TTC9C: variants seen among roughly 807,000 people sequenced by gnomAD.
The protein encoded by TTC9C is tetratricopeptide repeat protein 9C.
Under a neutral mutation model 22.5 loss-of-function variants are expected in TTC9C, and 15 were observed. The observed-to-expected ratio is 0.67, with a 90% CI of 0.45 to 1.03. The LOEUF (loss-of-function observed/expected upper bound fraction) is 1.03, where lower values mean the gene tolerates loss of function less well. Ranked by LOEUF, TTC9C falls within the 50% of genes least tolerant of loss-of-function variation. The probability of loss-of-function intolerance (pLI) is 0.00; values close to 1 mark genes in which losing one functional copy is unlikely to be tolerated. For synonymous variants in TTC9C, 92 were observed against 86.8 expected (o/e 1.06, Z -0.33); for missense variants, 244 against 214.6 (o/e 1.14, Z -0.86).
At chr11:62,735,808 T>TA (rs1301733305) in intron 2 of TTC9C, 2 of 428,568 alleles carry the variant, frequency 4.7e-6, no homozygotes, top group Non-Finnish European at 7.9e-6. Flanking sequence ...TAATCAGACA[T>TA]ACACAATATA....
At chr11:62,728,379 G>A (rs1409407538), upstream of TTC9C, 2 of 373,708 alleles carry the variant, frequency 5.4e-6, no homozygotes, top group Non-Finnish European at 5.3e-6. Flanking sequence ...GAATAAGGAA[G>A]AAGAGTTAGA....
chr11:62,731,948 G>A (rs2083855334), intron 1 of TTC9C, among the ~76,000 whole-genome samples: 1 of 145,400 alleles, frequency 6.9e-6, no homozygotes, highest in Non-Finnish European at 1.5e-5. Flanking sequence ...GCCTCCCAAA[G>A]TGCTGGGATT....
At chr11:62,736,372 C>G (rs1418478288) in intron 2 of TTC9C, 1 of 151,610 alleles carries the variant, frequency 6.6e-6, no homozygotes, top group Non-Finnish European at 1.5e-5. Flanking sequence ...CGGAACCCAT[C>G]TCTACTAAAA....
At chr11:62,735,295 C>T (rs529992013) in intron 1 of TTC9C, 87 bp from the exon 2 acceptor site, 106 of 1,514,296 alleles carry the variant, frequency 7.0e-5, no homozygotes, top group Non-Finnish European at 9.3e-5. Flanking sequence ...TTGTTACCAC[C>T]CTGTTCAGTA....
Position 62,735,705 on chromosome 11 carries a change from A to G in TTC9C, c.421+141A>G, listed in dbSNP as rs894761943. ...CACATGGTTGAGAATTCGAACTGAA[A>G]AAGTATACGATGAACAGACCTTTTT... On this transcript the variant is annotated intron_variant, in intron 2 of 2. Coordinates refer to ENST00000316461, the MANE Select transcript of TTC9C (RefSeq NM_173810.4). 9.4e-6 allele frequency: 13 copies of G among 1,388,486 alleles called. No homozygotes were observed. In the Admixed American group the frequency reaches 3.2e-4, roughly 35 times the overall value. 86.0% of individuals were successfully genotyped at this position (1,388,486 alleles called of 1,614,324 possible). A position where few individuals can be genotyped will look rare whatever the true frequency, so the allele number is the denominator to read the frequency against.
chr11:62,732,315 T>A (rs116200213), intron 1 of TTC9C, among the ~76,000 whole-genome samples: 5,609 of 152,076 alleles, frequency 0.037, 346 homozygotes, highest in African/African-American at 0.13. Context: ...CTTTTAAAAA[T>A]TAATTTACTT....
intron 1 of TTC9C, among the ~76,000 whole-genome samples, chr11:62,734,782 G>A (rs2083891625): frequency 6.6e-6 from 1 of 151,974 alleles, no homozygotes; most frequent in South Asian, 2.1e-4. Context: ...ATGCTCAGCC[G>A]AGTTTTAAAT....
At position 62,735,426 on chromosome 11, in the gene TTC9C, G is replaced by A. The variant is rs201165764; in HGVS notation, c.283G>A (p.Glu95Lys). The A allele has an allele frequency of 1.9e-6, 3 of 1,614,034 alleles. No individual in the cohort carries two copies. The highest frequency in any genetic ancestry group is 2.5e-6 in the Non-Finnish European group (3 of 1,180,034). The change falls in exon 2 of 3, where the codon GAA becomes AAA. Residue 95 changes from glutamate to lysine, a missense_variant. Coordinates refer to ENST00000316461, the MANE Select transcript of TTC9C (RefSeq NM_173810.4). ...GCCCGTGAACTACGAACGAGTGAGA[G>A]AATATAGTCAGAAAGTCCTGGAACG... Reference protein sequence around the residue: ...MEPVNYERVREYSQKVLERQP... With the variant: ...MEPVNYERVRKYSQKVLERQP...
intron 1 of TTC9C, among the ~76,000 whole-genome samples, chr11:62,732,612 C>CAA (rs34178732): frequency 1.3e-3 from 179 of 138,494 alleles, no homozygotes; most frequent in African/African-American, 2.0e-3. Flanking sequence ...AACTCCGTCT[C>CAA]AAAAAAAAAA....
chr11:62,734,114 C>T (rs2083883434), intron 1 of TTC9C, among the ~76,000 whole-genome samples: 1 of 151,950 alleles, frequency 6.6e-6, no homozygotes, highest in Non-Finnish European at 1.5e-5. Context: ...GCCTGGCCAA[C>T]ATGGCGAAAA....
intron 2 of TTC9C, among the ~76,000 whole-genome samples, chr11:62,737,071 C>T (rs905695796): frequency 1.3e-5 from 2 of 151,406 alleles, no homozygotes; most frequent in Non-Finnish European, 2.9e-5. Context: ...TGGTGGCGGG[C>T]GCCTGTAATC....
In TTC9C at chr11:62,728,530, C is replaced by T. The variant is rs879059083; in HGVS notation, c.-319C>T. Reference sequence around the variant, plus strand: ...CGCCCGCAACAATTCCTGAGTAGGGCCTTGCTTGAGTTCTTCGGAAAGTCT... The same window carrying T: ...CGCCCGCAACAATTCCTGAGTAGGGTCTTGCTTGAGTTCTTCGGAAAGTCT... On this transcript the variant is annotated 5_prime_UTR_variant, in exon 1 of 3. Coordinates refer to ENST00000316461, the MANE Select transcript of TTC9C (RefSeq NM_173810.4). 1 of 503,328 alleles carries T rather than the reference C, an allele frequency of 2.0e-6. No homozygotes were observed. Among genetic ancestry groups the T allele is most frequent in the Non-Finnish European group, 3.9e-6 (1 of 258,374 alleles). 31.2% of individuals were successfully genotyped at this position (503,328 alleles called of 1,614,324 possible).
intron 1 of TTC9C, among the ~76,000 whole-genome samples, chr11:62,732,374 C>T (rs1210174424): frequency 1.3e-5 from 2 of 151,880 alleles, no homozygotes; most frequent in African/African-American, 4.8e-5. Flanking sequence ...TTTGGGAGGC[C>T]GAGGTGGGCG....
At chr11:62,728,160 C>G (rs1033265215), upstream of TTC9C, 13 of 219,228 alleles carry the variant, frequency 5.9e-5, no homozygotes, top group South Asian at 6.4e-4. Context: ...AGATACCAAA[C>G]TGTACGCATC....
chr11:62,733,795 C>T (rs934161935), intron 1 of TTC9C, among the ~76,000 whole-genome samples: 1 of 151,666 alleles, frequency 6.6e-6, no homozygotes, highest in Non-Finnish European at 1.5e-5. Context: ...AGTTCGAGAC[C>T]AGCTTGACCA....
chr11:62,732,658 C>T (rs933120093), intron 1 of TTC9C, among the ~76,000 whole-genome samples: 4 of 149,588 alleles, frequency 2.7e-5, no homozygotes, highest in Non-Finnish European at 4.4e-5. Context: ...CGGTGGCTCA[C>T]GCCTGTAATC....
At chr11:62,729,931 G>C (rs1187887268) in intron 1 of TTC9C, among the ~76,000 whole-genome samples, 1 of 152,084 alleles carries the variant, frequency 6.6e-6, no homozygotes, top group Non-Finnish European at 1.5e-5. Context: ...AGGTAATTTT[G>C]CATGCTATAG....
At chr11:62,733,226 C>T in intron 1 of TTC9C, 15 of 1,209,108 alleles carry the variant, frequency 1.2e-5, no homozygotes, top group South Asian at 5.4e-5. Flanking sequence ...CCCATTAAGT[C>T]ATCCAAGAGA....
intron 1 of TTC9C, among the ~76,000 whole-genome samples, chr11:62,732,021 A>C (rs1217656899): frequency 7.3e-5 from 6 of 82,304 alleles, no homozygotes; most frequent in Non-Finnish European, 1.2e-4. Flanking sequence ...TTTTGAGACC[A>C]AGTCTCACTC....
Sources: gnomAD v4.1 joint callset for allele counts (sites outside exome capture counted in the v4.1 genomes callset) on GRCh38, gnomAD v4.1.1 for gene constraint, MANE v1.5 for transcripts, NCBI Gene and HGNC (gene_info 2026-07-23, HGNC 2026-07-21) for gene names.